Variants in GYG2 observed in about 807,000 individuals in gnomAD.
GYG2 encodes the protein glycogenin 2.
Under a neutral mutation model 29.4 loss-of-function variants are expected in GYG2, and 29 were observed. The ratio of observed to expected loss-of-function variants is 0.99; its 90% CI spans 0.74 to 1.35. The LOEUF is 1.35. Among genes scored for constraint, GYG2 ranks in the 40% most tolerant of loss-of-function variants. The pLI is 0.00. For synonymous variants in GYG2, 167 were observed against 172.3 expected, an observed-to-expected ratio of 0.97 and a Z score of 0.24; for missense variants, 370 against 385.7, an observed-to-expected ratio of 0.96 and a Z score of 0.34.
At chrX:2,840,165 C>G (rs2087462896) in intron 2 of GYG2, among the ~76,000 whole-genome samples, 1 of 112,243 alleles carries the variant, frequency 8.9e-6, no homozygotes, top group Non-Finnish European at 1.9e-5. Flanking sequence ...GGGCTCAGCA[C>G]TGGGGGTTCT....
intron 8 of GYG2, among the ~76,000 whole-genome samples, chrX:2,872,720 A>G (rs760815431): frequency 4.5e-5 from 5 of 111,541 alleles, no homozygotes; most frequent in Non-Finnish European, 7.5e-5. Context: ...TCCCTAATCC[A>G]TTTCCAGGAA....
intron 2 of GYG2, among the ~76,000 whole-genome samples, chrX:2,834,564 G>A (rs1025047943): frequency 4.9e-5 from 5 of 102,982 alleles, no homozygotes; most frequent in African/African-American, 1.4e-4. Flanking sequence ...AGCTGTGGGT[G>A]TCTGAGGACA....
intron 8 of GYG2, among the ~76,000 whole-genome samples, chrX:2,872,523 G>A (rs758316728): frequency 2.7e-5 from 3 of 112,279 alleles, no homozygotes; most frequent in South Asian, 3.7e-4. Context: ...GTTTAAATTC[G>A]TAAGATTAAC....
chrX:2,850,385 C>T (rs937722450), intron 3 of GYG2, among the ~76,000 whole-genome samples: 7 of 111,545 alleles, frequency 6.3e-5, no homozygotes, highest in Non-Finnish European at 1.1e-4. Context: ...AGCTTAAATA[C>T]GTGTGCTGAC....
rs766357560 is a variant in GYG2, at chrX:2,839,963, A to C, written c.8-3250A>C. ...GTGAGAATGTCCTCGGATTGCCTGG[A>C]GTTAGTGGTTGCACAACATTGCGCA... On this transcript the variant is annotated intron_variant, in intron 2 of 10. Transcript: ENST00000398806. 3.1e-4 allele frequency among the ~76,000 whole-genome samples: 35 copies of C among 111,957 alleles called. 1 individual carries two copies. The highest frequency in any genetic ancestry group is 1.1e-3 in the African/African-American group (33 of 30,845).
intron 8 of GYG2, among the ~76,000 whole-genome samples, chrX:2,873,354 T>A (rs2088518724): frequency 9.6e-6 from 1 of 104,607 alleles, no homozygotes; most frequent in Non-Finnish European, 2.0e-5. Flanking sequence ...TGTTAATTTT[T>A]AAAAATTTCT....
intron 3 of GYG2, among the ~76,000 whole-genome samples, chrX:2,845,627 T>G (rs775403306): frequency 2.4e-4 from 25 of 104,913 alleles, no homozygotes; most frequent in African/African-American, 8.0e-4. Context: ...GCATGTGTAT[T>G]TACATACATT....
intron 8 of GYG2, among the ~76,000 whole-genome samples, chrX:2,869,571 G>A (rs1057316323): frequency 1.8e-5 from 2 of 112,522 alleles, no homozygotes; most frequent in Non-Finnish European, 3.7e-5. Context: ...AAAGCTGAGT[G>A]TGCGTCTGGG....
chrX:2,864,643 C>T (rs188374863), intron 8 of GYG2, among the ~76,000 whole-genome samples: 8 of 111,782 alleles, frequency 7.2e-5, no homozygotes, highest in East Asian at 5.6e-4. Flanking sequence ...AATCTTATTC[C>T]GTCACTGAAT....
chrX:2,881,007 A>G (rs781686308), intron 10 of GYG2, 45 bp from the exon 11 acceptor site: 3 of 1,174,956 alleles, frequency 2.6e-6, no homozygotes, highest in Non-Finnish European at 3.5e-6. Flanking sequence ...TTCCCTCGAT[A>G]ATGGACAGCT....
At chrX:2,847,916 GC>G (rs1010197048) in intron 3 of GYG2, among the ~76,000 whole-genome samples, 2 of 111,429 alleles carry the variant, frequency 1.8e-5, no homozygotes, top group Non-Finnish European at 3.8e-5. Flanking sequence ...CCTGGGCTCC[GC>G]CCACCAGATG....
chrX:2,834,040 A>T (rs1355704629), intron 2 of GYG2, among the ~76,000 whole-genome samples: 1 of 112,068 alleles, frequency 8.9e-6, no homozygotes, highest in African/African-American at 3.2e-5. Flanking sequence ...GGGCCCTCTG[A>T]CCCCATCTCT....
At chrX:2,856,780 CTATCTATCATCT>C (rs2088007788) in intron 6 of GYG2, among the ~76,000 whole-genome samples, 156 bp downstream of exon 6, 1 of 79,805 alleles carries the variant, frequency 1.3e-5, no homozygotes, top group African/African-American at 3.9e-5. Flanking sequence ...ATCTATCTAT[CTATCTATCATCT>C]ATCTATCATC....
chrX:2,859,295 TTTG>T (rs774206529), intron 6 of GYG2, among the ~76,000 whole-genome samples: 4 of 110,165 alleles, frequency 3.6e-5, no homozygotes, highest in South Asian at 3.9e-4. Flanking sequence ...GTGATAGTAT[TTTG>T]TTATTATTGA....
At chrX:2,858,421 G>A (rs781435160) in intron 6 of GYG2, among the ~76,000 whole-genome samples, 3 of 111,353 alleles carry the variant, frequency 2.7e-5, no homozygotes, top group Admixed American at 9.6e-5. Flanking sequence ...AGCCGAGATC[G>A]TGCCACTGCA....
In GYG2 at chrX:2,843,009, C is replaced by T. The variant is rs11797037; in HGVS notation, c.8-204C>T. Reference sequence around the variant, plus strand: ...TGTATTTTTCGTAGAGACAGAGTTTCACCATGGTGCCCAGGCTGGTCTCGA... The same window carrying T: ...TGTATTTTTCGTAGAGACAGAGTTTTACCATGGTGCCCAGGCTGGTCTCGA... On this transcript the variant is annotated intron_variant, in intron 2 of 10. Coordinates refer to ENST00000398806, the MANE Select transcript of GYG2 (RefSeq NM_001079855.2). 74,836 of 480,920 alleles carry T rather than the reference C, an allele frequency of 0.16. 4,071 individuals carry two copies. Among genetic ancestry groups the T allele is most frequent in the South Asian group, 0.3 (10,993 of 36,905 alleles). 39.6% of individuals were successfully genotyped at this position (480,920 alleles called of 1,213,427 possible).
intron 2 of GYG2, among the ~76,000 whole-genome samples, chrX:2,841,483 G>A (rs766858446): frequency 3.6e-5 from 4 of 111,587 alleles, no homozygotes; most frequent in East Asian, 5.6e-4. Flanking sequence ...ACTGATGAAA[G>A]GTATCTTTTG....
chrX:2,863,236 G>A (rs7049952), intron 8 of GYG2, among the ~76,000 whole-genome samples: 3,233 of 109,412 alleles, frequency 0.03, 132 homozygotes, highest in African/African-American at 0.1. Context: ...CACCGCGCCC[G>A]GCTAATTTTT....
At chrX:2,863,031 G>A (rs1421182815) in intron 8 of GYG2, among the ~76,000 whole-genome samples, 3 of 107,761 alleles carry the variant, frequency 2.8e-5, no homozygotes, top group Non-Finnish European at 5.8e-5. Flanking sequence ...CTGCACTCCC[G>A]CCTGGGTGAC....
Sources: allele counts gnomAD v4.1 joint callset (sites outside exome capture counted in the v4.1 genomes callset), GRCh38; gene constraint gnomAD v4.1.1; transcripts MANE v1.5; gene names NCBI Gene and HGNC (gene_info 2026-07-23, HGNC 2026-07-21).